VAMP7: variants seen among roughly 807,000 people sequenced by gnomAD.
VAMP7 encodes the protein vesicle-associated membrane protein 7.
In VAMP7, 14 loss-of-function variants were observed where a neutral mutation model predicts 29.6. That is an observed-to-expected ratio of 0.47 (90% CI 0.31 to 0.74). VAMP7 has a LOEUF of 0.74. VAMP7 is among the 30% of genes least tolerant of loss of function. VAMP7 has a pLI of 0.05. For missense variants in VAMP7, 223 were observed against 262.4 expected (o/e 0.85, Z 1.04); for synonymous variants, 95 against 88.1 (o/e 1.08, Z -0.44).
intron 6 of VAMP7, among the ~76,000 whole-genome samples, chrX:155,934,936 AT>A (rs1320875927): frequency 6.6e-6 from 1 of 151,834 alleles, no homozygotes; most frequent in Non-Finnish European, 1.5e-5. Context: ...TCTGTAAAGG[AT>A]TTTATTTTTC....
At chrX:155,933,787 A>T (rs1424104931) in intron 6 of VAMP7, among the ~76,000 whole-genome samples, 2 of 151,918 alleles carry the variant, frequency 1.3e-5, no homozygotes, top group African/African-American at 4.8e-5. Flanking sequence ...TTTAATTGTG[A>T]TGTTAGGGTG....
intron 6 of VAMP7, among the ~76,000 whole-genome samples, chrX:155,931,704 C>G (rs951721556): frequency 7.9e-5 from 12 of 151,754 alleles, no homozygotes. Context: ...TGTGCAGAAG[C>G]TCCTTAATTA....
At chrX:155,936,234 A>G (rs1056182792) in intron 6 of VAMP7, among the ~76,000 whole-genome samples, 9 of 152,176 alleles carry the variant, frequency 5.9e-5, no homozygotes, top group Admixed American at 2.0e-4. Context: ...GCTGTCAGAC[A>G]GGGACATTTA....
chrX:155,919,697 G>T, intron 5 of VAMP7, 116 bp from the exon 6 acceptor site: 1 of 865,024 alleles, frequency 1.2e-6, no homozygotes, highest in East Asian at 2.7e-5. Context: ...GGTGAAGCAT[G>T]CCTGTCCTTT....
At chrX:155,915,320 G>T (rs2066296393) in intron 5 of VAMP7, among the ~76,000 whole-genome samples, 1 of 152,048 alleles carries the variant, frequency 6.6e-6, no homozygotes, top group Non-Finnish European at 1.5e-5. Context: ...CCAGCTCCTG[G>T]ATTCATTGAT....
At chrX:155,938,150 G>A (rs1331261219) in intron 6 of VAMP7, among the ~76,000 whole-genome samples, 3 of 151,974 alleles carry the variant, frequency 2.0e-5, no homozygotes, top group Non-Finnish European at 4.4e-5. Context: ...ATTCTATCTT[G>A]TTTCCCATAT....
At chrX:155,918,280 C>G (rs1284243267) in intron 5 of VAMP7, among the ~76,000 whole-genome samples, 2 of 52,696 alleles carry the variant, frequency 3.8e-5, no homozygotes, top group East Asian at 1.2e-3. Flanking sequence ...AGACCACTTG[C>G]CTCCCTGGCT....
chrX:155,900,440 G>T, intron 4 of VAMP7, 57 bp from the exon 5 acceptor site: 2 of 1,344,714 alleles, frequency 1.5e-6, no homozygotes, highest in African/African-American at 1.5e-5. Context: ...CCTTATTTTT[G>T]TTTTCCTATT....
At chrX:155,891,908 T>G (rs2065929308) in intron 2 of VAMP7, among the ~76,000 whole-genome samples, 1 of 152,234 alleles carries the variant, frequency 6.6e-6, no homozygotes. Flanking sequence ...GGCTTTATAC[T>G]TTCTCTAAAA....
intron 6 of VAMP7, among the ~76,000 whole-genome samples, chrX:155,935,639 G>A (rs2066640915): frequency 1.3e-5 from 2 of 151,752 alleles, no homozygotes; most frequent in African/African-American, 4.8e-5. Context: ...CTTTGTGCTG[G>A]GTTCAAACTT....
At chrX:155,917,458 G>C (rs1001902458) in intron 5 of VAMP7, among the ~76,000 whole-genome samples, 14 of 152,064 alleles carry the variant, frequency 9.2e-5, no homozygotes, top group Non-Finnish European at 1.9e-4. Flanking sequence ...TCTACCTTTG[G>C]TCTTTGATGT....
chrX:155,919,853 T>A lies in VAMP7; in HGVS notation c.474T>A (p.Ile158=). Residue 158 remains isoleucine (I), a synonymous_variant, in exon 6 of 8, where the codon ATT becomes ATA. Transcript: ENST00000286448. ...AQRGERLELL[I]DKTENLVDSS... is the part of the protein sequence containing the mutation. The stretch of plus-strand genomic sequence containing the variant: ...GAGGAGAAAGATTGGAATTATTGAT[T>A]GACAAAACAGAAAATCTTGTGGATT... The A allele has an allele frequency of 6.2e-7, 1 of 1,613,300 alleles. No homozygotes were observed. Among genetic ancestry groups the A allele is most frequent in the Non-Finnish European group, 8.5e-7 (1 of 1,179,600 alleles).
chrX:155,908,333 G>T lies in VAMP7; in HGVS notation c.433+7746G>T, dbSNP rs191613913. Among the ~76,000 whole-genome samples, 6 of 152,348 alleles carry T rather than the reference G, an allele frequency of 3.9e-5. No homozygotes were observed. In the East Asian group the frequency reaches 1.2e-3, roughly 29 times the overall value. On this transcript the variant is annotated intron_variant, in intron 5 of 7. Coordinates refer to ENST00000286448, the MANE Select transcript of VAMP7 (RefSeq NM_005638.6). ...GCACCTCGGGAGGCCGAGGCTGGCG[G>T]ATCACTCGCGGTTAGCAGCTGGAGA...
At chrX:155,929,062 T>A (rs1347678011) in intron 6 of VAMP7, among the ~76,000 whole-genome samples, 1 of 152,230 alleles carries the variant, frequency 6.6e-6, no homozygotes, top group East Asian at 1.9e-4. Flanking sequence ...AACAATTTTT[T>A]GACTGGTGTA....
intron 6 of VAMP7, among the ~76,000 whole-genome samples, chrX:155,925,813 A>G (rs1416767263): frequency 6.6e-6 from 1 of 152,184 alleles, no homozygotes; most frequent in Non-Finnish European, 1.5e-5. Context: ...CAGGTTGGCC[A>G]TAAGCAGTTC....
chrX:155,904,523 C>A (rs2066119600), intron 5 of VAMP7, among the ~76,000 whole-genome samples: 1 of 151,916 alleles, frequency 6.6e-6, no homozygotes, highest in Non-Finnish European at 1.5e-5. Context: ...ATTGTACAAC[C>A]ATTGCTGCGA....
In VAMP7 at chrX:155,895,650, C is replaced by G; in HGVS notation, c.174C>G (p.Asp58Glu). Residue 58 changes from aspartate to glutamate, a missense_variant, in exon 3 of 8, where the codon GAC (aspartate) becomes GAG (glutamate). By Grantham distance (45) the Asp-to-Glu change is conservative (BLOSUM62 2). Coordinates refer to ENST00000286448, the MANE Select transcript of VAMP7 (RefSeq NM_005638.6). ...GNYLFHYICQ[D>E]RIVYLCITDD... is the part of the protein sequence containing the mutation. ...ATTTGTTTCATTACATCTGCCAAGACAGGATTGTATATCTTTGTATCACTG... is the reference window on the plus strand; with the variant it reads ...ATTTGTTTCATTACATCTGCCAAGAGAGGATTGTATATCTTTGTATCACTG... 1 of 1,610,590 alleles carries G rather than the reference C, an allele frequency of 6.2e-7. No individual in the cohort carries two copies. The highest frequency in any genetic ancestry group is 1.3e-5 in the African/African-American group (1 of 74,944).
At chrX:155,907,727 C>T (rs1206328841) in intron 5 of VAMP7, among the ~76,000 whole-genome samples, 1 of 152,112 alleles carries the variant, frequency 6.6e-6, no homozygotes, top group Non-Finnish European at 1.5e-5. Flanking sequence ...CCCACCTTTC[C>T]CCCTTTTCTA....
chrX:155,903,343 A>G (rs1362639913), intron 5 of VAMP7, among the ~76,000 whole-genome samples: 15 of 152,196 alleles, frequency 9.9e-5, no homozygotes, highest in Admixed American at 7.2e-4. Flanking sequence ...ACAAAAGCCA[A>G]AATTGACAAA....
Sources: allele counts gnomAD v4.1 joint callset (sites outside exome capture counted in the v4.1 genomes callset), GRCh38; gene constraint gnomAD v4.1.1; transcripts MANE v1.5; gene names NCBI Gene and HGNC (gene_info 2026-07-23, HGNC 2026-07-21).